Variants in CTNNA3 observed in about 807,000 individuals in gnomAD.
CTNNA3 encodes catenin alpha 3, also known as catenin alpha-3.
CTNNA3 carries 76 observed loss-of-function variants against 95.7 expected under a neutral mutation model. That is an observed-to-expected ratio of 0.79 (90% CI 0.66 to 0.96). The LOEUF (loss-of-function observed/expected upper bound fraction) is 0.96. Ranked by LOEUF, CTNNA3 falls within the 40% of genes least tolerant of loss-of-function variation. The probability of loss-of-function intolerance (pLI) is 0.00; values close to 1 mark genes in which losing one functional copy is unlikely to be tolerated. For missense variants in CTNNA3, 1,191 were observed against 1,089.8 expected, an observed-to-expected ratio of 1.09 and a Z score of -1.31; for synonymous variants, 431 against 374.4, an observed-to-expected ratio of 1.15 and a Z score of -1.74.
intron 13 of CTNNA3, among the ~76,000 whole-genome samples, chr10:66,267,254 A>G (rs1249808814): frequency 6.6e-6 from 1 of 151,852 alleles, no homozygotes; most frequent in African/African-American, 2.4e-5. Context: ...CTCCTCCTCC[A>G]CCTGTACACT....
chr10:66,752,281 T>C lies in CTNNA3; in HGVS notation c.1281+13983A>G, dbSNP rs1379747926. Among the ~76,000 whole-genome samples, 3 of 152,072 alleles carry C rather than the reference T, an allele frequency of 2.0e-5. No individual in the cohort carries two copies. In the East Asian group the frequency reaches 5.8e-4, roughly 29 times the overall value. ...AAACAGAACACAGAGACCAGAGACA[T>C]ACCCACACATATAGGCCAATAGATA... On this transcript the variant is annotated intron_variant, in intron 9 of 17. Transcript: ENST00000433211.
intron 11 of CTNNA3, among the ~76,000 whole-genome samples, chr10:66,513,537 C>T (rs1325311451): frequency 2.6e-5 from 4 of 152,158 alleles, no homozygotes; most frequent in African/African-American, 9.7e-5. Flanking sequence ...TTCTCAGGAT[C>T]CTGGGTGGTA....
At chr10:66,413,257 G>T (rs532379553) in intron 11 of CTNNA3, among the ~76,000 whole-genome samples, 1 of 152,150 alleles carries the variant, frequency 6.6e-6, no homozygotes, top group African/African-American at 2.4e-5. Flanking sequence ...CACCCCTTGA[G>T]AACTTGTTGT....
intron 5 of CTNNA3, among the ~76,000 whole-genome samples, chr10:67,291,045 C>T (rs1039636727): frequency 5.9e-5 from 9 of 152,096 alleles, no homozygotes; most frequent in African/African-American, 1.2e-4. Flanking sequence ...GGATGGACTC[C>T]GGAGTCAGAT....
At chr10:67,576,411 T>G (rs536950459) in intron 3 of CTNNA3, among the ~76,000 whole-genome samples, 38 of 152,232 alleles carry the variant, frequency 2.5e-4, no homozygotes, top group Non-Finnish European at 3.8e-4. Flanking sequence ...TGTATAGTTG[T>G]TAATAGTTTT....
intron 3 of CTNNA3, among the ~76,000 whole-genome samples, chr10:67,579,993 A>C (rs1325524310): frequency 6.6e-6 from 1 of 152,070 alleles, no homozygotes. Context: ...ATTTTCTCCC[A>C]TTCTGTAGGT....
At position 67,741,971 on chromosome 10, in the gene CTNNA3, G is replaced by C. The variant is rs185760578; in HGVS notation, c.-2+21463C>G. 7.9e-4 allele frequency among the ~76,000 whole-genome samples: 119 copies of C among 151,008 alleles called. 4 individuals are homozygous for C. The highest frequency in any genetic ancestry group is 1.3e-3 in the Admixed American group (20 of 15,094). On this transcript the variant is annotated intron_variant, in intron 1 of 17. Coordinates refer to the CTNNA3 transcript ENST00000684154. ...GAAGAACTAACTATCCCAAATATTG[G>C]GTGCACCCAATACAGGAGCACCCAG...
intron 7 of CTNNA3, among the ~76,000 whole-genome samples, chr10:66,809,525 T>C (rs935821270): frequency 6.6e-6 from 1 of 152,168 alleles, no homozygotes; most frequent in African/African-American, 2.4e-5. Context: ...ATTGTTTAGA[T>C]TTACCATTGA....
chr10:66,585,172 T>C (rs1047120604), intron 10 of CTNNA3, among the ~76,000 whole-genome samples: 1 of 152,068 alleles, frequency 6.6e-6, no homozygotes, highest in Non-Finnish European at 1.5e-5. Context: ...TGATGTTTTG[T>C]TTTTGCAATG....
chr10:66,526,945 A>C lies in CTNNA3; in HGVS notation c.1375-6172T>G. Among the ~76,000 whole-genome samples the C allele has an allele frequency of 1.3e-5, 2 of 152,018 alleles. 1 individual carries two copies. Among genetic ancestry groups the C allele is most frequent in the Middle Eastern group, 6.3e-3 (2 of 316 alleles). On this transcript the variant is annotated intron_variant, in intron 10 of 17. Coordinates refer to ENST00000433211, the MANE Select transcript of CTNNA3 (RefSeq NM_013266.4). Reference sequence around the variant, plus strand: ...TGATATACAGAAGTTTTAAATTTTGATGAAGTCCAATTTTTTTTTCCATTT... The same window carrying C: ...TGATATACAGAAGTTTTAAATTTTGCTGAAGTCCAATTTTTTTTTCCATTT...
chr10:66,994,975 C>A (rs908594041), intron 7 of CTNNA3, among the ~76,000 whole-genome samples: 1 of 152,162 alleles, frequency 6.6e-6, no homozygotes, highest in Non-Finnish European at 1.5e-5. Flanking sequence ...CAAGGTCTAT[C>A]TTCCTGCTAC....
chr10:66,990,221 G>C (rs1850968406), intron 7 of CTNNA3, among the ~76,000 whole-genome samples: 1 of 152,122 alleles, frequency 6.6e-6, no homozygotes, highest in South Asian at 2.1e-4. Context: ...AAAGTAATGA[G>C]GTGGGGCCAA....
chr10:65,931,270 G>A (rs1439277368), intron 17 of CTNNA3, among the ~76,000 whole-genome samples: 1 of 152,182 alleles, frequency 6.6e-6, no homozygotes, highest in East Asian at 1.9e-4. Flanking sequence ...GTGTGCTTTT[G>A]AAATACATAT....
At chr10:67,156,412 A>T (rs1035147679) in intron 7 of CTNNA3, among the ~76,000 whole-genome samples, 2 of 152,026 alleles carry the variant, frequency 1.3e-5, no homozygotes, top group Admixed American at 6.6e-5. Context: ...TTGAATGTCA[A>T]CAGTCATGGA....
intron 5 of CTNNA3, among the ~76,000 whole-genome samples, chr10:67,299,524 G>A (rs532418686): frequency 4.7e-4 from 71 of 152,106 alleles, no homozygotes; most frequent in East Asian, 9.7e-4. Flanking sequence ...CTTTTCTCCC[G>A]TGTAAAGTCA....
intron 7 of CTNNA3, among the ~76,000 whole-genome samples, chr10:67,020,930 C>G (rs1220796073): frequency 2.6e-5 from 4 of 152,160 alleles, no homozygotes; most frequent in African/African-American, 9.6e-5. Context: ...AACACTTACA[C>G]TACCCGGAAG....
intron 1 of CTNNA3, among the ~76,000 whole-genome samples, chr10:67,662,492 T>C (rs564998552): frequency 3.2e-4 from 49 of 152,272 alleles, no homozygotes; most frequent in African/African-American, 9.6e-4. Flanking sequence ...AAACAATCTG[T>C]GGCACAAGAA....
chr10:66,033,292 G>A (rs1453260923), intron 15 of CTNNA3, among the ~76,000 whole-genome samples: 3 of 151,420 alleles, frequency 2.0e-5, no homozygotes, highest in Non-Finnish European at 2.9e-5. Flanking sequence ...CACCACGCCC[G>A]GCTAATTTTG....
intron 11 of CTNNA3, among the ~76,000 whole-genome samples, chr10:66,508,178 T>C (rs1840519392): frequency 9.3e-6 from 1 of 107,932 alleles, no homozygotes; most frequent in Non-Finnish European, 2.2e-5. Flanking sequence ...GGAGCAGCTC[T>C]TGTTTTTTTT....
Sources: allele counts gnomAD v4.1 joint callset (sites outside exome capture counted in the v4.1 genomes callset), GRCh38; gene constraint gnomAD v4.1.1; transcripts MANE v1.5; gene names NCBI Gene and HGNC (gene_info 2026-07-23, HGNC 2026-07-21).